The following CFAP47 variants were observed in gnomAD, a reference collection of about 807,000 sequenced individuals.
The protein encoded by CFAP47 is cilia- and flagella-associated protein 47.
A neutral mutation model predicts 148.1 loss-of-function variants in CFAP47; 29 were observed. The observed-to-expected ratio is 0.20, with a 90% CI of 0.15 to 0.27. The LOEUF is 0.27. Ranked by LOEUF, CFAP47 falls within the 10% of genes least tolerant of loss-of-function variation. The pLI, the probability that CFAP47 is intolerant of heterozygous loss-of-function variation, is 1.00. For synonymous variants in CFAP47, 664 were observed against 577.3 expected, an observed-to-expected ratio of 1.15 and a Z score of -2.15; for missense variants, 1,872 against 1,697.5, an observed-to-expected ratio of 1.10 and a Z score of -1.81.
intron 63 of CFAP47, among the ~76,000 whole-genome samples, chrX:36,383,813 A>T (rs1942101710): frequency 8.9e-6 from 1 of 111,736 alleles, no homozygotes; most frequent in Non-Finnish European, 1.9e-5. Flanking sequence ...CCTATTCTGA[A>T]TGAGTTTTCT....
At chrX:35,964,758 T>C (rs1936378764) in intron 8 of CFAP47, among the ~76,000 whole-genome samples, 3 of 111,528 alleles carry the variant, frequency 2.7e-5, no homozygotes, top group Non-Finnish European at 1.9e-5. Context: ...CTTAAGTAAA[T>C]TTAAAATTTT....
intron 48 of CFAP47, among the ~76,000 whole-genome samples, chrX:36,240,761 T>A (rs1940533864): frequency 9.0e-6 from 1 of 111,451 alleles, no homozygotes; most frequent in Non-Finnish European, 1.9e-5. Flanking sequence ...TTAAACCACA[T>A]ATCCAAAAAG....
intron 27 of CFAP47, among the ~76,000 whole-genome samples, chrX:36,068,814 G>T (rs1937689611): frequency 9.2e-6 from 1 of 109,154 alleles, no homozygotes. Flanking sequence ...AAATTAGCTG[G>T]GTATGGGGGC....
At chrX:36,223,048 A>G (rs1227517565) in intron 45 of CFAP47, among the ~76,000 whole-genome samples, 1 of 108,713 alleles carries the variant, frequency 9.2e-6, no homozygotes, top group Non-Finnish European at 1.9e-5. Context: ...AGTGTATAGT[A>G]CCTCCCCCTA....
chrX:35,937,353 C>T (rs1016055140), intron 2 of CFAP47, among the ~76,000 whole-genome samples: 1 of 108,875 alleles, frequency 9.2e-6, no homozygotes, highest in Non-Finnish European at 1.9e-5. Flanking sequence ...ATGATTCTAA[C>T]TAGGTCAGCG....
At chrX:35,959,063 C>T (rs747268596) in intron 8 of CFAP47, among the ~76,000 whole-genome samples, 1 of 112,136 alleles carries the variant, frequency 8.9e-6, no homozygotes, top group African/African-American at 3.2e-5. Context: ...CTAGAGTTTC[C>T]AGAAATAAGC....
intron 26 of CFAP47, among the ~76,000 whole-genome samples, chrX:36,047,741 G>A (rs773383643): frequency 3.9e-4 from 44 of 111,843 alleles, no homozygotes; most frequent in Admixed American, 2.9e-3. Flanking sequence ...ATTTAGAGGC[G>A]TCATTTGTAT....
intron 25 of CFAP47, among the ~76,000 whole-genome samples, chrX:36,043,993 C>T (rs1037033602): frequency 2.7e-5 from 3 of 112,960 alleles, no homozygotes; most frequent in African/African-American, 6.4e-5. Flanking sequence ...TTCTGTGCAC[C>T]TGCAGGCCCA....
In CFAP47 at chrX:36,076,169, C is replaced by CT. The variant is rs1247548053; in HGVS notation, c.4691+2813dup. The stretch of plus-strand genomic sequence containing the variant: ...CAATAGTATTTAAACATTCACTTTT[C>CT]TTTTTTTTCTTTTTTTTTTTTTATT... On this transcript the variant is annotated intron_variant, in intron 29 of 63. Coordinates refer to ENST00000378653, the MANE Select transcript of CFAP47 (RefSeq NM_001304548.2). Among the ~76,000 whole-genome samples the CT allele has an allele frequency of 4.9e-5, 5 of 102,532 alleles. No individual in the cohort carries two copies. In the South Asian group the frequency reaches 1.3e-3, roughly 26 times the overall value. The allele number at this position is 102,532 out of a possible 115,157, so 89.0% of individuals were successfully genotyped here.
intron 57 of CFAP47, among the ~76,000 whole-genome samples, chrX:36,335,556 A>G (rs2146974851): frequency 8.9e-6 from 1 of 112,161 alleles, no homozygotes; most frequent in East Asian, 2.8e-4. Context: ...AAGCTTTTAA[A>G]CTCATAAATA....
At chrX:36,346,209 T>C (rs1003693888) in intron 57 of CFAP47, among the ~76,000 whole-genome samples, 2 of 110,811 alleles carry the variant, frequency 1.8e-5, no homozygotes, top group African/African-American at 6.6e-5. Context: ...GTTTGTTTGT[T>C]TCTGTGTGTG....
At chrX:36,005,521 CTTATAG>C (rs1258160221) in intron 21 of CFAP47, among the ~76,000 whole-genome samples, 3 of 111,580 alleles carry the variant, frequency 2.7e-5, no homozygotes, top group African/African-American at 9.7e-5. Flanking sequence ...ATATAATTCC[CTTATAG>C]TTAGAGAACA....
At position 36,221,115 on chromosome X, in the gene CFAP47, A is replaced by T. The variant is rs189863434; in HGVS notation, c.6818-7513A>T. On this transcript the variant is annotated intron_variant, in intron 45 of 63. Transcript: ENST00000378653. ...AAGGAAATTGAATTCAGAAGAGAGA[A>T]TTGGGATCCAAGAACAATGGTTACT... is the stretch of plus-strand genomic sequence containing the variant. 8.8e-3 allele frequency among the ~76,000 whole-genome samples: 990 copies of T among 111,946 alleles called. 10 individuals are homozygous for T. Among genetic ancestry groups the T allele is most frequent in the African/African-American group, 0.03 (926 of 30,910 alleles).
At chrX:36,246,439 T>A (rs1255026503) in intron 48 of CFAP47, among the ~76,000 whole-genome samples, 2 of 111,967 alleles carry the variant, frequency 1.8e-5, no homozygotes, top group Non-Finnish European at 3.8e-5. Flanking sequence ...TTTAATTGAC[T>A]CACAGTTCTG....
chrX:36,341,027 C>A (rs1556015650), intron 57 of CFAP47, among the ~76,000 whole-genome samples: 1 of 98,142 alleles, frequency 1.0e-5, no homozygotes, highest in Non-Finnish European at 2.0e-5. Flanking sequence ...TAGTATATTT[C>A]TTTTCTTTTC....
chrX:36,384,858 A>C lies in CFAP47; in HGVS notation c.9416A>C (p.Lys3139Thr), dbSNP rs1556024860. Residue 3139 changes from lysine to threonine, a missense_variant, in exon 64 of 64, where the codon AAA becomes ACA. Transcript: ENST00000378653. ...TTAACTCCAACTACCGTGCCACCAA[A>C]AAATGCAAAAGCCAAAATTGATGCT... ...NGLTPTTVPP[K>T]NAKAKIDATH... 8.6e-7 allele frequency: 1 copy of C among 1,167,187 alleles called. No individual in the cohort carries two copies.
intron 54 of CFAP47, among the ~76,000 whole-genome samples, chrX:36,306,021 C>T (rs1324096217): frequency 8.9e-6 from 1 of 112,102 alleles, no homozygotes; most frequent in East Asian, 2.8e-4. Flanking sequence ...AAAGATACTG[C>T]TTAATTGTAA....
At chrX:36,026,280 A>C (rs1212550763) in intron 22 of CFAP47, among the ~76,000 whole-genome samples, 1 of 111,772 alleles carries the variant, frequency 8.9e-6, no homozygotes, top group African/African-American at 3.2e-5. Context: ...TTTAGTTTTG[A>C]ATTAACAGGT....
intron 30 of CFAP47, among the ~76,000 whole-genome samples, chrX:36,092,537 AT>A (rs769145259): frequency 9.0e-6 from 1 of 111,167 alleles, no homozygotes; most frequent in Admixed American, 9.6e-5. Flanking sequence ...GTTCTTTCTC[AT>A]TTATCAAGTT....
Sources: gnomAD v4.1 joint callset for allele counts (sites outside exome capture counted in the v4.1 genomes callset) on GRCh38, gnomAD v4.1.1 for gene constraint, MANE v1.5 for transcripts, NCBI Gene and HGNC (gene_info 2026-07-23, HGNC 2026-07-21) for gene names.